CFAP70: variants seen among roughly 807,000 people sequenced by gnomAD.
CFAP70 encodes cilia- and flagella-associated protein 70.
Under a neutral mutation model 137.6 loss-of-function variants are expected in CFAP70, and 81 were observed. That is an observed-to-expected ratio of 0.59 (90% confidence interval 0.49 to 0.71). CFAP70 has a LOEUF of 0.71. CFAP70 is among the 30% of genes least tolerant of loss of function. The pLI is 0.00. For missense variants in CFAP70, 976 were observed against 1,226.7 expected (o/e 0.80, Z 3.05); for synonymous variants, 382 against 423.6 (o/e 0.90, Z 1.20).
At chr10:73,325,522 A>G (rs1349717278) in intron 8 of CFAP70, among the ~76,000 whole-genome samples, 1 of 152,232 alleles carries the variant, frequency 6.6e-6, no homozygotes, top group African/African-American at 2.4e-5. Context: ...AAATGCTCCA[A>G]TTAAAAGACA....
At chr10:73,287,362 TATA>T (rs1188123763) in intron 19 of CFAP70, among the ~76,000 whole-genome samples, 2 of 152,202 alleles carry the variant, frequency 1.3e-5, no homozygotes, top group African/African-American at 2.4e-5. Context: ...AATACAGTAT[TATA>T]ATATCACGGG....
chr10:73,354,851 A>T lies in CFAP70; in HGVS notation c.-39-16T>A. Reference sequence around the variant, plus strand: ...TCTTTGGTCTCTGTAAACAGAATGAATCAACCTGTCCCCTCATGTACCACA... The same window carrying T: ...TCTTTGGTCTCTGTAAACAGAATGATTCAACCTGTCCCCTCATGTACCACA... On this transcript the variant is annotated splice_polypyrimidine_tract_variant and intron_variant, in intron 1 of 26. Coordinates refer to ENST00000310715, the Ensembl canonical transcript of CFAP70. 1 of 1,480,932 alleles carries T rather than the reference A, an allele frequency of 6.8e-7. No individual in the cohort carries two copies. Among genetic ancestry groups the T allele is most frequent in the Non-Finnish European group, 9.4e-7 (1 of 1,061,060 alleles). 91.7% of individuals were successfully genotyped at this position (1,480,932 alleles called of 1,614,324 possible). A position where few individuals can be genotyped will look rare whatever the true frequency, so the allele number is the denominator to read the frequency against.
At chr10:73,361,466 T>C (rs1006020241), upstream of CFAP70, among the ~76,000 whole-genome samples, 2 of 152,018 alleles carry the variant, frequency 1.3e-5, no homozygotes, top group African/African-American at 4.8e-5. Context: ...TGCTTAGCAG[T>C]GGCCACTCTG....
chr10:73,269,603 T>C lies in CFAP70; in HGVS notation c.3027+11A>G, dbSNP rs1290897187. 5.6e-6 allele frequency: 9 copies of C among 1,603,368 alleles called. No homozygotes were observed. Among genetic ancestry groups the C allele is most frequent in the African/African-American group, 1.3e-5 (1 of 74,752 alleles). On this transcript the variant is annotated intron_variant, in intron 25 of 26. Coordinates refer to ENST00000310715, the Ensembl canonical transcript of CFAP70. ...CTAAAAGGGCATTGTGTAAGGATAA[T>C]AAACACTCACTTTCAGGCAGACCAG...
chr10:73,327,294 A>G (rs1009931627), intron 8 of CFAP70, among the ~76,000 whole-genome samples: 4 of 150,934 alleles, frequency 2.7e-5, no homozygotes, highest in East Asian at 2.0e-4. Context: ...ACAACCCTTC[A>G]TGCTAAAAAC....
At chr10:73,353,983 C>T (rs937361834) in intron 2 of CFAP70, among the ~76,000 whole-genome samples, 2 of 152,098 alleles carry the variant, frequency 1.3e-5, no homozygotes, top group Non-Finnish European at 2.9e-5. Flanking sequence ...TGTGTTTCAC[C>T]TAATAATAAA....
chr10:73,335,060 CTTTT>C (rs547226854), intron 7 of CFAP70, among the ~76,000 whole-genome samples: 6 of 118,338 alleles, frequency 5.1e-5, no homozygotes, highest in Admixed American at 8.7e-5. Context: ...TCTTCTTCTT[CTTTT>C]TTTTTTTTTT....
chr10:73,268,861 A>AT (rs2046003181), intron 25 of CFAP70, among the ~76,000 whole-genome samples: 1 of 151,670 alleles, frequency 6.6e-6, no homozygotes, highest in South Asian at 2.1e-4. Context: ...TTCCTGGCTA[A>AT]TTTTTTGTAG....
intron 9 of CFAP70, among the ~76,000 whole-genome samples, chr10:73,321,142 C>A (rs774967063): frequency 5.3e-5 from 8 of 151,958 alleles, no homozygotes; most frequent in Non-Finnish European, 1.2e-4. Flanking sequence ...CCTGGCCGGG[C>A]GCAGTGGCTC....
At chr10:73,341,355 A>G (rs2053231096) in intron 6 of CFAP70, 44 bp downstream of exon 7, 1 of 1,508,156 alleles carries the variant, frequency 6.6e-7, no homozygotes, top group Non-Finnish European at 9.0e-7. Context: ...ATCATCTGTC[A>G]GTACACTAAG....
chr10:73,313,294 C>G (rs2050075819), intron 9 of CFAP70, among the ~76,000 whole-genome samples: 1 of 150,166 alleles, frequency 6.7e-6, no homozygotes, highest in Admixed American at 6.6e-5. Context: ...ATGGTGTGAA[C>G]CTGGGAGGCG....
At chr10:73,310,019 A>C in intron 12 of CFAP70, 139 bp downstream of exon 13, 1 of 530,350 alleles carries the variant, frequency 1.9e-6, no homozygotes, top group Non-Finnish European at 3.3e-6. Flanking sequence ...AAATAACAAC[A>C]ACAACAAAAA....
rs551423264 is a variant in CFAP70 at position 73,277,340 on chromosome 10, G to T, written c.2420C>A (p.Ser807Ter). The T allele has an allele frequency of 6.2e-7, 1 of 1,613,880 alleles. No homozygotes were observed. Among genetic ancestry groups the T allele is most frequent in the Non-Finnish European group, 8.5e-7 (1 of 1,179,884 alleles). Residue 807 changes from serine (S) to a stop codon, truncating the protein, a stop_gained, in exon 21 of 27, where the codon TCA (serine) becomes TAA (stop). Transcript: ENST00000310715. LOFTEE classifies it high-confidence loss of function. ...AAGGCCGGGATGCAGAAGAGCTGATGAATCTTGACATTTTGATGCTTCTGA... is the reference window on the plus strand; with the variant it reads ...AAGGCCGGGATGCAGAAGAGCTGATTAATCTTGACATTTTGATGCTTCTGA...
intron 1 of CFAP70, 130 bp from the exon 2 acceptor site, chr10:73,354,965 C>A: frequency 1.6e-6 from 1 of 610,280 alleles, no homozygotes; most frequent in East Asian, 2.8e-5. Context: ...TTCCCCATAT[C>A]CAACCTTTGC....
chr10:73,283,731 T>C (rs2047436688), intron 19 of CFAP70, among the ~76,000 whole-genome samples: 1 of 152,170 alleles, frequency 6.6e-6, no homozygotes, highest in African/African-American at 2.4e-5. Context: ...TATTTGTTTG[T>C]GGATTTTGGG....
At chr10:73,274,313 C>T in intron 23 of CFAP70, 120 bp downstream of exon 24, 1 of 1,184,006 alleles carries the variant, frequency 8.4e-7, no homozygotes, top group Non-Finnish European at 1.2e-6. Context: ...GTCACTTTAC[C>T]TTTGGATGTA....
chr10:73,292,286 A>G (rs1355240830), intron 16 of CFAP70, among the ~76,000 whole-genome samples: 3 of 152,174 alleles, frequency 2.0e-5, no homozygotes, highest in Non-Finnish European at 4.4e-5. Context: ...CTCATCTAAT[A>G]CCTTGGGAGC....
chr10:73,332,041 T>C (rs532112340), intron 7 of CFAP70, among the ~76,000 whole-genome samples: 30 of 152,314 alleles, frequency 2.0e-4, no homozygotes, highest in African/African-American at 7.0e-4. Flanking sequence ...AGATCCATCA[T>C]AGAATTGAGG....
At chr10:73,323,080 C>T (rs546616810) in exon 9 of CFAP70, 61 of 1,611,948 alleles carry the variant, frequency 3.8e-5, no homozygotes, top group Admixed American at 1.2e-4. Context: ...GAAACGAAAG[C>T]TGAGCTTCTT....
Sources: gnomAD v4.1 joint callset for allele counts (sites outside exome capture counted in the v4.1 genomes callset) on GRCh38, gnomAD v4.1.1 for gene constraint, MANE v1.5 for transcripts, NCBI Gene and HGNC (gene_info 2026-07-23, HGNC 2026-07-21) for gene names.